FBRS: variants seen among roughly 807,000 people sequenced by gnomAD.
The protein encoded by FBRS is probable fibrosin-1.
In FBRS, 15 loss-of-function variants were observed where a neutral mutation model predicts 86.1. The observed-to-expected ratio is 0.17, with a 90% CI of 0.12 to 0.27. The LOEUF (loss-of-function observed/expected upper bound fraction) is 0.27. Ranked by LOEUF, FBRS falls within the 10% of genes least tolerant of loss-of-function variation. The pLI is 1.00. For synonymous variants in FBRS, 666 were observed against 575.8 expected, an observed-to-expected ratio of 1.16 and a Z score of -2.24; for missense variants, 1,367 against 1,301.6, an observed-to-expected ratio of 1.05 and a Z score of -0.77.
intron 4 of FBRS, 183 bp from the exon 5 acceptor site, chr16:30,662,237 C>A: frequency 1.1e-6 from 1 of 875,830 alleles, no homozygotes. Context: ...TCAGCTGCTC[C>A]ACTCTGCTTT....
intron 4 of FBRS, among the ~76,000 whole-genome samples, chr16:30,661,823 C>T (rs1167009203): frequency 2.0e-5 from 3 of 152,100 alleles, no homozygotes; most frequent in East Asian, 3.9e-4. Context: ...GAAGTTAATG[C>T]GCTACCCATT....
intron 6 of FBRS, among the ~76,000 whole-genome samples, chr16:30,663,892 G>A (rs1041969517): frequency 6.6e-6 from 1 of 152,316 alleles, no homozygotes; most frequent in Middle Eastern, 3.4e-3. Context: ...TGGGACCCCA[G>A]GTGGCTTGTT....
chr16:30,667,194 A>T, intron 13 of FBRS, 126 bp from the exon 14 acceptor site: 1 of 936,094 alleles, frequency 1.1e-6, no homozygotes, highest in Non-Finnish European at 1.6e-6. Context: ...CGAGAGAGGC[A>T]GAAGATAGGC....
At chr16:30,663,060 G>C (rs552660572) in intron 6 of FBRS, 1 of 1,044,712 alleles carries the variant, frequency 9.6e-7, no homozygotes, top group Non-Finnish European at 1.2e-6. Flanking sequence ...AGGCTGTGCT[G>C]TTTCCCAGTT....
At position 30,669,213 on chromosome 16, in the gene FBRS, T is replaced by TGCCGCC; in HGVS notation, c.2513_2514insCGCCGC (p.Ala848_Ala849dup). On this transcript the variant is annotated inframe_insertion, in exon 18 of 18. Transcript: ENST00000356166. This position sits in a 1 kb window ranked among gnomAD's most constrained non-coding sequence, Gnocchi z 5.9. ...AGGAGGCTGCCGCCGCCGCTGCCGC[T>TGCCGCC]GCTGCTGCCGCCGCCGCTGCCGCCG... 1 of 1,543,710 alleles carries TGCCGCC rather than the reference T, an allele frequency of 6.5e-7. No individual in the cohort carries two copies. The highest frequency in any genetic ancestry group is 2.5e-5 in the East Asian group (1 of 40,718).
In FBRS at chr16:30,665,064, C is replaced by T. The variant is rs764077380; in HGVS notation, c.1593C>T (p.Gly531=). Residue 531 remains glycine, a synonymous_variant, in exon 9 of 18, where the codon GGC becomes GGT. Coordinates refer to ENST00000356166, the MANE Select transcript of FBRS (RefSeq NM_001105079.3). This position sits in a 1 kb window ranked among gnomAD's most constrained non-coding sequence, Gnocchi z 4.1. The part of the protein sequence containing the change: ...MFEKYPGKME[G]LFRHNPYTAF... ...AGAAATATCCAGGAAAGATGGAAGG[C>T]CTTTTCCGACATAATGTGAGTGTGT... The T allele has an allele frequency of 2.4e-5, 39 of 1,613,422 alleles. No individual in the cohort carries two copies. Among genetic ancestry groups the T allele is most frequent in the South Asian group, 2.4e-4 (22 of 91,026 alleles).
chr16:30,669,000 GC>G, intron 17 of FBRS, 21 bp downstream of exon 17: 3 of 506,740 alleles, frequency 5.9e-6, no homozygotes, highest in Non-Finnish European at 8.5e-6. Flanking sequence ...CACCCACCCT[GC>G]CCCTGCCCCA....
chr16:30,667,489 G>T (rs2052537586), intron 14 of FBRS, 52 bp downstream of exon 14: 1 of 1,513,254 alleles, frequency 6.6e-7, no homozygotes, highest in Admixed American at 2.2e-5. Context: ...ATAGCCTGAG[G>T]CCCAGCTTGT....
In FBRS at chr16:30,669,219, TGCC is replaced by T. The variant is rs755549582; in HGVS notation, c.2526_2528del (p.Ala849del). The T allele has an allele frequency of 3.9e-6, 6 of 1,544,252 alleles. No individual in the cohort carries two copies. The Admixed American group carries it at 9.9e-5, about 26-fold the overall frequency. Reference sequence around the variant, plus strand: ...CTGCCGCCGCCGCTGCCGCTGCTGCTGCCGCCGCCGCTGCCGCCGCCGCAGCAG... The same window carrying T: ...CTGCCGCCGCCGCTGCCGCTGCTGCTGCCGCCGCTGCCGCCGCCGCAGCAG... On this transcript the variant is annotated inframe_deletion, in exon 18 of 18. Transcript: ENST00000356166. The surrounding 1 kb of genome is among the most constrained non-coding windows in gnomAD (Gnocchi z 5.9).
Position 30,665,716 on chromosome 16 carries a change from C to T in FBRS, c.1773+10C>T, listed in dbSNP as rs1228305736. On this transcript the variant is annotated intron_variant, in intron 11 of 17. Transcript: ENST00000356166. The surrounding 1 kb of genome is among the most constrained non-coding windows in gnomAD (Gnocchi z 4.1). ...CCAGAAGGGGACACAGGTGAGGGGG[C>T]CAGGGCAGGTCCTGGGGGAGCTGGA... 3 of 1,572,122 alleles carry T rather than the reference C, an allele frequency of 1.9e-6. No individual in the cohort carries two copies. The South Asian group carries it at 3.5e-5, about 18-fold the overall frequency.
rs1246396740 is a variant in FBRS, at chr16:30,668,947, G to A, written c.2334G>A (p.Arg778=). ...ACAAGGAGCGGCCTGTGGAGCGGAG[G>A]GAGCCCTCCATCACCAAGGAGGAGA... The part of the protein sequence containing the change: ...GSDKERPVER[R]EPSITKEEKD... Residue 778 remains arginine (R), a synonymous_variant, in exon 17 of 18, where the codon AGG becomes AGA. Transcript: ENST00000356166. The A allele has an allele frequency of 6.3e-7, 1 of 1,587,466 alleles. No individual in the cohort carries two copies. The highest frequency in any genetic ancestry group is 2.3e-5 in the East Asian group (1 of 43,800).
At position 30,665,561 on chromosome 16, in the gene FBRS, G is replaced by A; in HGVS notation, c.1705-77G>A. 1.3e-6 allele frequency: 2 copies of A among 1,503,130 alleles called. No individual in the cohort carries two copies. The highest frequency in any genetic ancestry group is 9.1e-7 in the Non-Finnish European group (1 of 1,102,714). The allele number at this position is 1,503,130 out of a possible 1,614,324, so 93.1% of individuals were successfully genotyped here. A position where few individuals can be genotyped will look rare whatever the true frequency, so the allele number is the denominator to read the frequency against. On this transcript the variant is annotated intron_variant, in intron 10 of 17. Coordinates refer to ENST00000356166, the MANE Select transcript of FBRS (RefSeq NM_001105079.3). This position sits in a 1 kb window ranked among gnomAD's most constrained non-coding sequence, Gnocchi z 4.1. ...CAAAGCCATGATCCCTCCCTGCCCA[G>A]TGTCCCAGCTTGGTTCTGGATCCCT...
At position 30,665,211 on chromosome 16, in the gene FBRS, G is replaced by C; in HGVS notation, c.1609-95G>C. 6.6e-7 allele frequency: 1 copy of C among 1,508,012 alleles called. No individual in the cohort carries two copies. The highest frequency in any genetic ancestry group is 1.4e-5 in the African/African-American group (1 of 71,580). The allele number at this position is 1,508,012 out of a possible 1,614,324, so 93.4% of individuals were successfully genotyped here. ...GCCTTGAGCCTGGGACAGCTCCCTGGGGGGCTTTAGGGTGGAGGCCCGTGG... is the reference window on the plus strand; with the variant it reads ...GCCTTGAGCCTGGGACAGCTCCCTGCGGGGCTTTAGGGTGGAGGCCCGTGG... On this transcript the variant is annotated intron_variant, in intron 9 of 17. Transcript: ENST00000356166. This position sits in a 1 kb window ranked among gnomAD's most constrained non-coding sequence, Gnocchi z 4.1.
intron 11 of FBRS, 54 bp from the exon 12 acceptor site, chr16:30,666,458 C>T (rs569524076): frequency 9.3e-6 from 15 of 1,612,726 alleles, no homozygotes; most frequent in Non-Finnish European, 1.2e-5. Flanking sequence ...TGCGAGGCGC[C>T]TGGCCCAGGA....
chr16:30,660,654 A>C, intron 2 of FBRS: 1 of 767,406 alleles, frequency 1.3e-6, no homozygotes, highest in Non-Finnish European at 1.8e-6. Flanking sequence ...TGTCTACTTC[A>C]AACGTTTTGA....
In FBRS at chr16:30,664,410, A is replaced by T. The variant is rs762530740; in HGVS notation, c.1251A>T (p.Pro417=). 3.5e-5 allele frequency: 16 copies of T among 454,990 alleles called. No homozygotes were observed. The African/African-American group carries it at 5.3e-4, about 15-fold the overall frequency. The allele number at this position is 454,990 out of a possible 1,614,324, so 28.2% of individuals were successfully genotyped here. A position where few individuals can be genotyped will look rare whatever the true frequency, so the allele number is the denominator to read the frequency against. ...FPPPGLRPPP[P]PHHPSLFSPG... ...CTCCCGGGCTGCGGCCCCCCCCACC[A>T]CCCCACCACCCCTCCTTGTTCTCCC... is the stretch of plus-strand genomic sequence containing the variant. The change falls in exon 7 of 18, where the codon CCA becomes CCT. Residue 417 remains proline, a synonymous_variant. Coordinates refer to ENST00000356166, the MANE Select transcript of FBRS (RefSeq NM_001105079.3).
Position 30,669,031 on chromosome 16 carries a change from C to T in FBRS, c.2367-38C>T, listed in dbSNP as rs1567548000. The T allele has an allele frequency of 2.5e-6, 4 of 1,578,658 alleles. No individual in the cohort carries two copies. Among genetic ancestry groups the T allele is most frequent in the East Asian group, 4.6e-5 (2 of 43,280 alleles). ...GCCCCACCCTCAGCCCCTGCTGCCC[C>T]TGGAGAACTTCATTCTCTCCCCACG... On this transcript the variant is annotated intron_variant, in intron 17 of 17. Coordinates refer to ENST00000356166, the MANE Select transcript of FBRS (RefSeq NM_001105079.3). The surrounding 1 kb of genome is among the most constrained non-coding windows in gnomAD (Gnocchi z 5.9).
chr16:30,666,855 G>T (rs1385741683), intron 12 of FBRS, 64 bp from the exon 13 acceptor site: 3 of 1,538,662 alleles, frequency 1.9e-6, no homozygotes, highest in Non-Finnish European at 2.7e-6. Flanking sequence ...GCCAGGCCTG[G>T]AGTGGATGAT....
At chr16:30,660,492 C>T (rs2052445886) in intron 2 of FBRS, 50 bp downstream of exon 2, 1 of 1,255,746 alleles carries the variant, frequency 8.0e-7, no homozygotes, top group Non-Finnish European at 1.0e-6. Flanking sequence ...TCCCACAGCC[C>T]CGTTTTTCAT....
Sources: gnomAD v4.1 joint callset for allele counts (sites outside exome capture counted in the v4.1 genomes callset) on GRCh38, gnomAD v4.1.1 for gene constraint, Gnocchi (gnomAD v3.1) non-coding constraint, MANE v1.5 for transcripts, NCBI Gene and HGNC (gene_info 2026-07-23, HGNC 2026-07-21) for gene names.